Variants in ARHGEF33 observed in about 807,000 individuals in gnomAD.
ARHGEF33 encodes the protein DH and coiled-coil domain-containing protein ENSP00000381780.
A neutral mutation model predicts 101.9 loss-of-function variants in ARHGEF33; 72 were observed. The observed-to-expected ratio is 0.71, with a 90% CI of 0.58 to 0.86. The LOEUF (loss-of-function observed/expected upper bound fraction) is 0.86, where lower values mean the gene tolerates loss of function less well. Ranked by LOEUF, ARHGEF33 falls within the 40% of genes least tolerant of loss-of-function variation. The pLI, the probability that ARHGEF33 is intolerant of heterozygous loss-of-function variation, is 0.00. For synonymous variants in ARHGEF33, 499 were observed against 442.5 expected (o/e 1.13, Z -1.60); for missense variants, 1,169 against 1,111.3 (o/e 1.05, Z -0.74).
At chr2:38,890,661 A>G (rs1665975794) in intron 1 of ARHGEF33, among the ~76,000 whole-genome samples, 1 of 152,220 alleles carries the variant, frequency 6.6e-6, no homozygotes, top group African/African-American at 2.4e-5. Flanking sequence ...TTATATGCTG[A>G]AATAGTATTC....
At position 38,937,404 on chromosome 2, in the gene ARHGEF33, A is replaced by AG; in HGVS notation, c.638dup (p.His214ProfsTer11). 6.5e-7 allele frequency: 1 copy of AG among 1,527,826 alleles called. No individual in the cohort carries two copies. The highest frequency in any genetic ancestry group is 8.8e-7 in the Non-Finnish European group (1 of 1,133,924). The allele number at this position is 1,527,826 out of a possible 1,614,324, so 94.6% of individuals were successfully genotyped here. A position where few individuals can be genotyped will look rare whatever the true frequency, so the allele number is the denominator to read the frequency against. Reference sequence around the variant, plus strand: ...TGCCTCTCGGCTGATATCCAGTCCAAGGGCCATCTCCCATCTGGCATGTGG... The same window carrying AG: ...TGCCTCTCGGCTGATATCCAGTCCAAGGGGCCATCTCCCATCTGGCATGTGG... On this transcript the variant is annotated frameshift_variant, in exon 9 of 18. Coordinates refer to ENST00000409978, the MANE Select transcript of ARHGEF33 (RefSeq NM_001145451.5). LOFTEE classifies it high-confidence loss of function.
Position 38,953,234 on chromosome 2 carries a change from G to C in ARHGEF33, c.1126G>C (p.Val376Leu), listed in dbSNP as rs1187826469. The C allele has an allele frequency of 6.5e-7, 1 of 1,530,432 alleles. No individual in the cohort carries two copies. The highest frequency in any genetic ancestry group is 8.9e-7 in the Non-Finnish European group (1 of 1,127,306). The allele number at this position is 1,530,432 out of a possible 1,614,324, so 94.8% of individuals were successfully genotyped here. ...PECISLVHVV[V>L]LKEGDEEIKS... ...GTGCATCTCATTGGTTCATGTTGTA[G>C]TCCTGAAAGAGGTGAGTTAACGCCA... The change falls in exon 12 of 18, where the codon GTC becomes CTC. Residue 376 changes from valine to leucine, a missense_variant. Physicochemically the swap from Val to Leu is conservative, Grantham distance 32. Transcript: ENST00000409978.
chr2:38,896,503 A>G (rs1414353081), intron 2 of ARHGEF33, among the ~76,000 whole-genome samples: 2 of 152,166 alleles, frequency 1.3e-5, no homozygotes, highest in Non-Finnish European at 2.9e-5. Context: ...GACAACATCT[A>G]CTTTCCATTG....
At position 38,931,218 on chromosome 2, in the gene ARHGEF33, A is replaced by T. The variant is rs1178923120; in HGVS notation, c.472A>T (p.Thr158Ser). 1 of 1,551,094 alleles carries T rather than the reference A, an allele frequency of 6.4e-7. No individual in the cohort carries two copies. Among genetic ancestry groups the T allele is most frequent in the East Asian group, 2.4e-5 (1 of 40,930 alleles). Residue 158 changes from threonine (T) to serine (S), a missense_variant, in exon 7 of 18, where the codon ACC (threonine) becomes TCC (serine). By Grantham distance (58) the Thr-to-Ser change is moderately conservative (BLOSUM62 1). Transcript: ENST00000409978. Reference sequence around the variant, plus strand: ...GCCTGTTCTTCCAAGCGAAGACTTTACCAACCTTTTGCCTTCTCAGGCCTA... The same window carrying T: ...GCCTGTTCTTCCAAGCGAAGACTTTTCCAACCTTTTGCCTTCTCAGGCCTA... Reference protein sequence around the residue: ...PEPVLPSEDFTNLLPSQAYEK... With the variant: ...PEPVLPSEDFSNLLPSQAYEK...
At position 38,895,059 on chromosome 2, in the gene ARHGEF33, G is replaced by A. The variant is rs780163090; in HGVS notation, c.-158-718G>A. On this transcript the variant is annotated intron_variant, in intron 1 of 17. Transcript: ENST00000409978. ...TGATAAAGTGACAAAAGGTGACCAA[G>A]TAAGGCTTTGCCCCTCCCTAAACTC... 6.2e-4 allele frequency among the ~76,000 whole-genome samples: 94 copies of A among 152,134 alleles called. 1 individual carries two copies. The highest frequency in any genetic ancestry group is 6.0e-4 in the Non-Finnish European group (41 of 68,022).
At chr2:38,918,899 A>G (rs1666694842) in intron 2 of ARHGEF33, among the ~76,000 whole-genome samples, 1 of 151,500 alleles carries the variant, frequency 6.6e-6, no homozygotes, top group Non-Finnish European at 1.5e-5. Flanking sequence ...AAAAAAACAA[A>G]TCCAGGTATG....
intron 17 of ARHGEF33, among the ~76,000 whole-genome samples, chr2:38,968,948 G>C (rs1276465424): frequency 1.3e-5 from 2 of 152,308 alleles, no homozygotes; most frequent in South Asian, 2.1e-4. Context: ...ATAAGGTAGA[G>C]AGGAAGGTCA....
At chr2:38,965,260 A>G (rs991109570) in intron 16 of ARHGEF33, among the ~76,000 whole-genome samples, 1 of 152,210 alleles carries the variant, frequency 6.6e-6, no homozygotes, top group Non-Finnish European at 1.5e-5. Context: ...ATGGAATATA[A>G]ACATGTATAT....
intron 10 of ARHGEF33, among the ~76,000 whole-genome samples, chr2:38,947,328 T>A (rs1381462741): frequency 6.6e-6 from 1 of 152,200 alleles, no homozygotes; most frequent in Non-Finnish European, 1.5e-5. Flanking sequence ...GGGCTGGAAG[T>A]TGCAGGGGCA....
intron 2 of ARHGEF33, among the ~76,000 whole-genome samples, chr2:38,907,670 T>A (rs1370485141): frequency 6.6e-6 from 1 of 152,194 alleles, no homozygotes; most frequent in Non-Finnish European, 1.5e-5. Flanking sequence ...TGGAGGGAGT[T>A]GTCTCTGGAG....
chr2:38,957,117 C>T (rs767287080), intron 14 of ARHGEF33, 70 bp downstream of exon 14: 42 of 1,506,152 alleles, frequency 2.8e-5, no homozygotes, highest in South Asian at 7.3e-5. Context: ...CAAGTAACCA[C>T]GTTGTGTGTT....
intron 2 of ARHGEF33, among the ~76,000 whole-genome samples, chr2:38,904,304 AGAGAAGGCT>A (rs1239124202): frequency 6.6e-6 from 1 of 152,196 alleles, no homozygotes; most frequent in Admixed American, 6.5e-5. Flanking sequence ...TGCAAGTGGC[AGAGAAGGCT>A]GAGGCAGCTG....
chr2:38,933,111 A>C (rs1219024238), intron 7 of ARHGEF33, among the ~76,000 whole-genome samples: 1 of 152,208 alleles, frequency 6.6e-6, no homozygotes, highest in Non-Finnish European at 1.5e-5. Context: ...TCTCTGAGTC[A>C]GAAATCTGTG....
At chr2:38,891,515 T>G (rs1228153645) in intron 1 of ARHGEF33, among the ~76,000 whole-genome samples, 2 of 151,966 alleles carry the variant, frequency 1.3e-5, no homozygotes, top group Non-Finnish European at 2.9e-5. Context: ...AAAAGTAAAA[T>G]CACACAAAAT....
At chr2:38,937,807 AG>A (rs745444566) in intron 9 of ARHGEF33, among the ~76,000 whole-genome samples, 3 of 152,198 alleles carry the variant, frequency 2.0e-5, no homozygotes, top group South Asian at 2.1e-4. Context: ...TGTGGGCGGG[AG>A]GGGGAAGGCA....
chr2:38,939,022 G>C (rs1214824107), intron 9 of ARHGEF33, among the ~76,000 whole-genome samples: 9 of 152,074 alleles, frequency 5.9e-5, no homozygotes, highest in African/African-American at 2.2e-4. Context: ...ACTGAGGCTG[G>C]AGTGCAATGT....
At chr2:38,915,446 G>A (rs1413235444) in intron 2 of ARHGEF33, among the ~76,000 whole-genome samples, 1 of 147,488 alleles carries the variant, frequency 6.8e-6, no homozygotes, top group African/African-American at 2.5e-5. Context: ...GTGCAGCGGC[G>A]TGATCTCGGC....
chr2:38,959,796 CCGGCCG>C, intron 15 of ARHGEF33, 39 bp from the exon 16 acceptor site: 1 of 1,483,870 alleles, frequency 6.7e-7, no homozygotes, highest in Non-Finnish European at 9.0e-7. Flanking sequence ...CCTGCACTAA[CCGGCCG>C]TAAGCACAGC....
At chr2:38,907,534 C>G (rs1465456345) in intron 2 of ARHGEF33, among the ~76,000 whole-genome samples, 1 of 152,196 alleles carries the variant, frequency 6.6e-6, no homozygotes, top group East Asian at 1.9e-4. Context: ...ACTACTAACT[C>G]AGCCACCTGG....
Sources: allele counts gnomAD v4.1 joint callset (sites outside exome capture counted in the v4.1 genomes callset), GRCh38; gene constraint gnomAD v4.1.1; transcripts MANE v1.5; gene names NCBI Gene and HGNC (gene_info 2026-07-23, HGNC 2026-07-21).